The following TSPAN9 variants were observed in gnomAD, a reference collection of about 807,000 sequenced individuals.
TSPAN9 encodes tetraspanin-9.
Under a neutral mutation model 31.0 loss-of-function variants are expected in TSPAN9, and 16 were observed. The observed-to-expected ratio is 0.52, with a 90% CI of 0.35 to 0.78. TSPAN9 has a LOEUF of 0.78. TSPAN9 is among the 30% of genes least tolerant of loss of function. The pLI, the probability that TSPAN9 is intolerant of heterozygous loss-of-function variation, is 0.01. For synonymous variants in TSPAN9, 145 were observed against 121.6 expected (o/e 1.19, Z -1.27); for missense variants, 272 against 312.5 (o/e 0.87, Z 0.98).
chr12:3,077,534 G>T (rs2098295683), intron 1 of TSPAN9, 81 bp downstream of exon 1: 2 of 152,170 alleles, frequency 1.3e-5, no homozygotes, highest in African/African-American at 4.8e-5. Flanking sequence ...GGCGCCGGGC[G>T]GGCTGGGCAC....
At chr12:3,094,164 C>T (rs1565572853) in intron 2 of TSPAN9, among the ~76,000 whole-genome samples, 1 of 152,148 alleles carries the variant, frequency 6.6e-6, no homozygotes, top group Non-Finnish European at 1.5e-5. Context: ...CCACGCCCAG[C>T]CCAGGAGTCT....
chr12:3,246,237 C>G (rs1295738300), intron 3 of TSPAN9, among the ~76,000 whole-genome samples: 1 of 151,894 alleles, frequency 6.6e-6, no homozygotes, highest in Non-Finnish European at 1.5e-5. Context: ...TGTGAGAACT[C>G]ACGACTGTGA....
intron 2 of TSPAN9, among the ~76,000 whole-genome samples, chr12:3,117,493 T>C (rs988552733): frequency 2.0e-5 from 3 of 151,866 alleles, no homozygotes; most frequent in African/African-American, 7.3e-5. Flanking sequence ...TCCAAGTGCT[T>C]AGCGGTCCCT....
intron 8 of TSPAN9, 50 bp from the exon 9 acceptor site, chr12:3,282,995 G>A: frequency 1.3e-6 from 2 of 1,594,070 alleles, no homozygotes; most frequent in Non-Finnish European, 1.7e-6. Flanking sequence ...GCTGAGGTCA[G>A]GTCCAGGCTG....
intron 2 of TSPAN9, among the ~76,000 whole-genome samples, chr12:3,106,704 G>A (rs1017706595): frequency 1.3e-5 from 2 of 152,176 alleles, no homozygotes; most frequent in South Asian, 2.1e-4. Flanking sequence ...CCAGGAGTTC[G>A]AGTCTGCAGT....
intron 3 of TSPAN9, among the ~76,000 whole-genome samples, chr12:3,220,057 AT>A (rs1331926810): frequency 6.6e-6 from 1 of 151,670 alleles, no homozygotes; most frequent in Non-Finnish European, 1.5e-5. Flanking sequence ...AGGCAGGAGA[AT>A]TGCTTGAACC....
At chr12:3,095,136 ATT>A (rs2098307373) in intron 2 of TSPAN9, among the ~76,000 whole-genome samples, 1 of 99,098 alleles carries the variant, frequency 1.0e-5, no homozygotes, top group Non-Finnish European at 2.1e-5. Flanking sequence ...CCCTTAATCC[ATT>A]CAACCCTGAG....
intron 2 of TSPAN9, among the ~76,000 whole-genome samples, chr12:3,169,159 G>A (rs1172137182): frequency 1.3e-5 from 2 of 152,190 alleles, no homozygotes; most frequent in Non-Finnish European, 2.9e-5. Flanking sequence ...GGCAGAGGCC[G>A]TCACTGCACA....
intron 3 of TSPAN9, among the ~76,000 whole-genome samples, chr12:3,203,361 C>T (rs1394699746): frequency 6.6e-6 from 1 of 152,208 alleles, no homozygotes; most frequent in East Asian, 1.9e-4. Flanking sequence ...GGTAGTGGTT[C>T]CTGAGTTCCA....
In TSPAN9 at chr12:3,171,321, C is replaced by T. The variant is rs886463917; in HGVS notation, c.-17-29856C>T. Among the ~76,000 whole-genome samples the T allele has an allele frequency of 2.6e-5, 4 of 152,056 alleles. No individual in the cohort carries two copies. The East Asian group carries it at 5.8e-4, about 22-fold the overall frequency. ...TTTTCCTCCTGGTTTTGTGCACTGCCGTAAACCCAGTAACTAGATCACATG... is the reference window on the plus strand; with the variant it reads ...TTTTCCTCCTGGTTTTGTGCACTGCTGTAAACCCAGTAACTAGATCACATG... On this transcript the variant is annotated intron_variant, in intron 2 of 8. Coordinates refer to ENST00000011898, the MANE Select transcript of TSPAN9 (RefSeq NM_006675.5).
At chr12:3,174,272 G>T (rs1006038397) in intron 2 of TSPAN9, among the ~76,000 whole-genome samples, 68 of 152,108 alleles carry the variant, frequency 4.5e-4, no homozygotes, top group African/African-American at 1.6e-3. Context: ...TTACTATGTT[G>T]CCCAGGCTAG....
intron 3 of TSPAN9, among the ~76,000 whole-genome samples, chr12:3,269,907 C>T (rs962150146): frequency 2.6e-5 from 4 of 152,242 alleles, no homozygotes; most frequent in Admixed American, 2.0e-4. Flanking sequence ...GGTTTTGCCC[C>T]GCGTGCACAG....
intron 2 of TSPAN9, among the ~76,000 whole-genome samples, chr12:3,087,098 T>C (rs1459551055): frequency 6.6e-6 from 1 of 152,078 alleles, no homozygotes; most frequent in Non-Finnish European, 1.5e-5. Flanking sequence ...CATGCACATG[T>C]GTGGGTGTTA....
At chr12:3,276,743 G>C (rs1385948936) in intron 3 of TSPAN9, among the ~76,000 whole-genome samples, 3 of 152,156 alleles carry the variant, frequency 2.0e-5, no homozygotes, top group Non-Finnish European at 2.9e-5. Context: ...TCTACTCTTC[G>C]TGAAGGCAGG....
intron 3 of TSPAN9, among the ~76,000 whole-genome samples, chr12:3,270,445 TTCA>T (rs1862653197): frequency 6.6e-6 from 1 of 152,232 alleles, no homozygotes; most frequent in African/African-American, 2.4e-5. Flanking sequence ...CACCCATGCC[TTCA>T]TCTTTGAAGC....
At chr12:3,275,990 CA>C (rs1862778566) in intron 3 of TSPAN9, among the ~76,000 whole-genome samples, 1 of 152,234 alleles carries the variant, frequency 6.6e-6, no homozygotes, top group Non-Finnish European at 1.5e-5. Flanking sequence ...CAAAACATCT[CA>C]AATTGGACCA....
chr12:3,263,927 T>TC (rs1862497387), intron 3 of TSPAN9, among the ~76,000 whole-genome samples: 1 of 151,672 alleles, frequency 6.6e-6, no homozygotes, highest in African/African-American at 2.4e-5. Flanking sequence ...CGTGAGCGGG[T>TC]CTGGAGGTGG....
At chr12:3,265,468 A>G (rs766747535) in intron 3 of TSPAN9, among the ~76,000 whole-genome samples, 1 of 152,368 alleles carries the variant, frequency 6.6e-6, no homozygotes, top group South Asian at 2.1e-4. Flanking sequence ...TTGTGGAGAT[A>G]CAGGTGCAAA....
rs773599510 is a variant in TSPAN9 at position 3,280,445 on chromosome 12, G to A, written c.394G>A (p.Val132Met). 3.7e-6 allele frequency: 6 copies of A among 1,613,154 alleles called. No individual in the cohort carries two copies. The highest frequency in any genetic ancestry group is 4.5e-5 in the East Asian group (2 of 44,882). Residue 132 changes from valine (V) to methionine (M), a missense_variant, in exon 6 of 9, where the codon GTG becomes ATG. Transcript: ENST00000011898. This position sits in a 1 kb window ranked among gnomAD's most constrained non-coding sequence, Gnocchi z 4.5. ...GLLLYHTENN[V>M]GLKNAWNIIQ... The stretch of plus-strand genomic sequence containing the variant: ...GCTGCTGTACCACACCGAGAACAAC[G>A]TGGGGCTGAAGAACGCCTGGAACAT...
Sources: gnomAD v4.1 joint callset for allele counts (sites outside exome capture counted in the v4.1 genomes callset) on GRCh38, gnomAD v4.1.1 for gene constraint, Gnocchi (gnomAD v3.1) non-coding constraint, MANE v1.5 for transcripts, NCBI Gene and HGNC (gene_info 2026-07-23, HGNC 2026-07-21) for gene names.